PCDHA2: variants seen among roughly 807,000 people sequenced by gnomAD.
The protein encoded by PCDHA2 is protocadherin alpha 2.
Under a neutral mutation model 66.0 loss-of-function variants are expected in PCDHA2, and 58 were observed. The observed-to-expected ratio is 0.88, with a 90% CI of 0.71 to 1.09. The LOEUF is 1.09. Among genes scored for constraint, PCDHA2 ranks in the 50% least tolerant of loss-of-function variants. The pLI is 0.00. For synonymous variants in PCDHA2, 634 were observed against 554.0 expected (o/e 1.14, Z -2.03); for missense variants, 1,267 against 1,242.3 (o/e 1.02, Z -0.30).
At chr5:140,900,013 T>A (rs1351991303) in intron 1 of PCDHA2, among the ~76,000 whole-genome samples, 1 of 152,062 alleles carries the variant, frequency 6.6e-6, no homozygotes, top group Admixed American at 6.6e-5. Flanking sequence ...TCTCACTTTG[T>A]TACCCAGTTT....
At chr5:140,958,700 C>G (rs2095439212) in intron 1 of PCDHA2, among the ~76,000 whole-genome samples, 1 of 152,086 alleles carries the variant, frequency 6.6e-6, no homozygotes, top group Non-Finnish European at 1.5e-5. Context: ...CCTAGAGTGA[C>G]AACTCTGTTA....
chr5:140,953,778 A>G (rs782648195), intron 1 of PCDHA2, among the ~76,000 whole-genome samples: 1 of 151,986 alleles, frequency 6.6e-6, no homozygotes, highest in Non-Finnish European at 1.5e-5. Flanking sequence ...ATATTTATTT[A>G]TTTTTTTCTT....
rs782736508 is a variant in PCDHA2 at position 140,857,757 on chromosome 5, G to A, written c.2388+60405G>A. ...CCCGCGCTGCTGGCGTCTCCCGCTGGCAGCGCGGGCGGTGCAGTCAGTGAG... is the reference window on the plus strand; with the variant it reads ...CCCGCGCTGCTGGCGTCTCCCGCTGACAGCGCGGGCGGTGCAGTCAGTGAG... On this transcript the variant is annotated intron_variant, in intron 1 of 3. Coordinates refer to ENST00000526136, the MANE Select transcript of PCDHA2 (RefSeq NM_018905.3). 1.2e-5 allele frequency: 19 copies of A among 1,597,402 alleles called. No individual in the cohort carries two copies. In the East Asian group the frequency reaches 4.0e-4, roughly 34 times the overall value.
In PCDHA2 at chr5:140,841,930, G is replaced by A. The variant is rs149689120; in HGVS notation, c.2388+44578G>A. 3.7e-6 allele frequency: 6 copies of A among 1,613,908 alleles called. No individual in the cohort carries two copies. In the African/African-American group the frequency reaches 8.0e-5, roughly 22 times the overall value. ...TATTAAGAAAATCCTTGGACAGAGAGGACGCTCCTGCGCACCACTTATTCC... is the reference window on the plus strand; with the variant it reads ...TATTAAGAAAATCCTTGGACAGAGAAGACGCTCCTGCGCACCACTTATTCC... On this transcript the variant is annotated intron_variant, in intron 1 of 3. Coordinates refer to ENST00000526136, the MANE Select transcript of PCDHA2 (RefSeq NM_018905.3).
At chr5:140,829,749 T>C in intron 1 of PCDHA2, 1 of 1,613,676 alleles carries the variant, frequency 6.2e-7, no homozygotes, top group Non-Finnish European at 8.5e-7. Context: ...ACGCTGCAGG[T>C]GTTCGTGCTG....
At chr5:140,933,458 C>G (rs1040429377) in intron 1 of PCDHA2, among the ~76,000 whole-genome samples, 2 of 151,968 alleles carry the variant, frequency 1.3e-5, no homozygotes, top group Non-Finnish European at 2.9e-5. Flanking sequence ...TCAAAATATA[C>G]TCTGAATTCA....
chr5:140,802,480 G>A (rs1466401935), intron 1 of PCDHA2: 2 of 1,614,188 alleles, frequency 1.2e-6, no homozygotes, highest in African/African-American at 2.7e-5. Flanking sequence ...GTGACTGCTC[G>A]GGACGGGGGC....
At chr5:140,849,513 G>A (rs2150439555) in intron 1 of PCDHA2, 1 of 1,597,076 alleles carries the variant, frequency 6.3e-7, no homozygotes, top group Non-Finnish European at 8.6e-7. Context: ...TCTTGTGGAA[G>A]TTGTGGATGT....
chr5:140,842,848 G>A lies in PCDHA2; in HGVS notation c.2388+45496G>A, dbSNP rs2150346229. The stretch of plus-strand genomic sequence containing the variant: ...AGCGCTCGCTGTCGAGCTACATTTC[G>A]GTGCACACGGAGAGCGGCAAGGTGT... On this transcript the variant is annotated intron_variant, in intron 1 of 3. Coordinates refer to ENST00000526136, the MANE Select transcript of PCDHA2 (RefSeq NM_018905.3). 2.4e-5 allele frequency: 38 copies of A among 1,593,806 alleles called. 5 individuals are homozygous for A. The highest frequency in any genetic ancestry group is 1.7e-4 in the South Asian group (15 of 90,426).
At chr5:141,007,258 A>G (rs1160413471) in intron 3 of PCDHA2, among the ~76,000 whole-genome samples, 1 of 152,110 alleles carries the variant, frequency 6.6e-6, no homozygotes, top group Non-Finnish European at 1.5e-5. Flanking sequence ...AGTTAAAAGA[A>G]GCAGATACAG....
intron 1 of PCDHA2, chr5:140,869,391 C>T: frequency 6.2e-7 from 1 of 1,614,138 alleles, no homozygotes; most frequent in Non-Finnish European, 8.5e-7. Flanking sequence ...AGGAGCTGTG[C>T]GGGCAGAGCG....
At position 140,829,859 on chromosome 5, in the gene PCDHA2, G is replaced by A. The variant is rs2150176388; in HGVS notation, c.2388+32507G>A. ...GCCGCGGTCACTGGGTGCAGGCCAAGTGGTGGCGAAGGTGCGCGCAGTTGA... is the reference window on the plus strand; with the variant it reads ...GCCGCGGTCACTGGGTGCAGGCCAAATGGTGGCGAAGGTGCGCGCAGTTGA... On this transcript the variant is annotated intron_variant, in intron 1 of 3. Coordinates refer to ENST00000526136, the MANE Select transcript of PCDHA2 (RefSeq NM_018905.3). 2.5e-6 allele frequency: 4 copies of A among 1,613,860 alleles called. No individual in the cohort carries two copies. In the African/African-American group the frequency reaches 4.0e-5, roughly 16 times the overall value.
At chr5:140,839,793 G>A (rs1776412354) in intron 1 of PCDHA2, among the ~76,000 whole-genome samples, 1 of 151,918 alleles carries the variant, frequency 6.6e-6, no homozygotes, top group East Asian at 1.9e-4. Context: ...TAGAAATTTG[G>A]AGGAGCTCTT....
chr5:140,826,590 A>T (rs2150144335), intron 1 of PCDHA2, among the ~76,000 whole-genome samples: 2 of 152,128 alleles, frequency 1.3e-5, no homozygotes, highest in East Asian at 3.8e-4. Context: ...AATGGATAAC[A>T]TTAAGGTTAA....
chr5:140,969,110 C>T (rs1380719565), intron 1 of PCDHA2: 5 of 1,614,064 alleles, frequency 3.1e-6, no homozygotes, highest in Non-Finnish European at 3.4e-6. Flanking sequence ...CATTGAAGTT[C>T]GAGGGAATGG....
intron 1 of PCDHA2, chr5:140,865,310 G>T (rs1315373536): frequency 3.9e-5 from 6 of 152,276 alleles, no homozygotes; most frequent in African/African-American, 1.4e-4. Flanking sequence ...AATTACAAAT[G>T]AGATGGCCTT....
intron 1 of PCDHA2, chr5:140,850,917 T>G: frequency 6.5e-7 from 1 of 1,530,140 alleles, no homozygotes; most frequent in Non-Finnish European, 8.8e-7. Context: ...TTTATTTATT[T>G]ATATAATTTT....
At chr5:140,925,641 T>TATA (rs10569930) in intron 1 of PCDHA2, among the ~76,000 whole-genome samples, 50,126 of 143,032 alleles carry the variant, frequency 0.35, 8,990 homozygotes, top group South Asian at 0.5. Context: ...GAACTTAAAG[T>TATA]ATAATAATAA....
chr5:140,875,100 G>A (rs558585314), intron 1 of PCDHA2, among the ~76,000 whole-genome samples: 2 of 152,240 alleles, frequency 1.3e-5, no homozygotes, highest in Admixed American at 6.5e-5. Context: ...TTGATGTTTT[G>A]TTACTAATAT....
Sources: gnomAD v4.1 joint callset for allele counts (sites outside exome capture counted in the v4.1 genomes callset) on GRCh38, gnomAD v4.1.1 for gene constraint, MANE v1.5 for transcripts, NCBI Gene and HGNC (gene_info 2026-07-23, HGNC 2026-07-21) for gene names.